The following HSD17B12 variants were observed in gnomAD, a reference collection of about 807,000 sequenced individuals.
HSD17B12 encodes the protein very-long-chain 3-oxoacyl-CoA reductase.
HSD17B12 carries 32 observed loss-of-function variants against 39.3 expected under a neutral mutation model. The ratio of observed to expected loss-of-function variants is 0.81; its 90% CI spans 0.61 to 1.09. HSD17B12 has a LOEUF of 1.09. HSD17B12 is among the 50% of genes least tolerant of loss of function. The pLI, the probability that HSD17B12 is intolerant of heterozygous loss-of-function variation, is 0.00. For synonymous variants in HSD17B12, 150 were observed against 146.7 expected (o/e 1.02, Z -0.16); for missense variants, 342 against 382.9 (o/e 0.89, Z 0.89).
chr11:43,575,647 G>C, the HSD17B12 span, among the ~76,000 whole-genome samples: 6 of 152,214 alleles, frequency 3.9e-5, no homozygotes, highest in Admixed American at 3.9e-4. This position sits in a 1 kb window ranked among gnomAD's most constrained non-coding sequence, Gnocchi z 4.1. Flanking sequence ...CAGTGGCTGC[G>C]TGGAACACAA....
intron 6 of HSD17B12, among the ~76,000 whole-genome samples, chr11:43,826,767 T>C (rs768341101): frequency 1.3e-5 from 2 of 152,192 alleles, no homozygotes; most frequent in Non-Finnish European, 2.9e-5. Context: ...AATTTCTAAT[T>C]AAGTTGTGTT....
chr11:43,719,904 T>C (rs1335006458), intron 1 of HSD17B12, among the ~76,000 whole-genome samples: 1 of 152,222 alleles, frequency 6.6e-6, no homozygotes, highest in South Asian at 2.1e-4. Flanking sequence ...TTTAGTACGA[T>C]AGTTTTCTTT....
At chr11:43,595,934 T>A in the HSD17B12 span, among the ~76,000 whole-genome samples, 6 of 152,260 alleles carry the variant, frequency 3.9e-5, no homozygotes, top group Admixed American at 3.9e-4. Context: ...GCCTGAAGAA[T>A]GAGTTCATTC....
At chr11:43,655,575 G>T in the HSD17B12 span, among the ~76,000 whole-genome samples, 3 of 152,180 alleles carry the variant, frequency 2.0e-5, no homozygotes, top group African/African-American at 7.2e-5. Flanking sequence ...TTTGAGATAC[G>T]TCCCATCAAT....
the HSD17B12 span, among the ~76,000 whole-genome samples, chr11:43,655,257 T>C: frequency 1.9e-4 from 29 of 152,224 alleles, no homozygotes; most frequent in African/African-American, 6.8e-4. Flanking sequence ...ATTGATTTTG[T>C]ATCCTGAGAC....
At chr11:43,634,011 T>C in the HSD17B12 span, among the ~76,000 whole-genome samples, 2 of 120,932 alleles carry the variant, frequency 1.7e-5, no homozygotes, top group Admixed American at 2.1e-4. Context: ...GAGGCGGAGG[T>C]TGCCGTGAGC....
intron 4 of HSD17B12, among the ~76,000 whole-genome samples, chr11:43,812,075 A>G (rs965848309): frequency 2.0e-5 from 3 of 152,106 alleles, no homozygotes; most frequent in Non-Finnish European, 2.9e-5. Flanking sequence ...GCCAAATAGT[A>G]TTTTATTGTG....
At chr11:43,633,340 T>C in the HSD17B12 span, among the ~76,000 whole-genome samples, 1 of 152,104 alleles carries the variant, frequency 6.6e-6, no homozygotes, top group Non-Finnish European at 1.5e-5. Flanking sequence ...GAGACCAGCC[T>C]GGCCAACATG....
chr11:43,728,487 G>A (rs963488086), intron 1 of HSD17B12, among the ~76,000 whole-genome samples: 5 of 151,064 alleles, frequency 3.3e-5, no homozygotes, highest in Admixed American at 3.3e-4. Context: ...AAAAAAAAAA[G>A]AAAAGAAAAA....
chr11:43,706,680 G>A (rs1950017903), intron 1 of HSD17B12, among the ~76,000 whole-genome samples: 1 of 149,110 alleles, frequency 6.7e-6, no homozygotes, highest in Middle Eastern at 3.4e-3. Flanking sequence ...TTTGCTCTGT[G>A]AATGAAGGGG....
intron 6 of HSD17B12, chr11:43,829,929 A>C (rs913343964): frequency 2.6e-5 from 4 of 152,222 alleles, no homozygotes; most frequent in Non-Finnish European, 5.9e-5. Flanking sequence ...TTTACAATAA[A>C]ATACCCACCA....
At chr11:43,807,388 A>T (rs1391648756) in intron 4 of HSD17B12, among the ~76,000 whole-genome samples, 1 of 152,174 alleles carries the variant, frequency 6.6e-6, no homozygotes, top group Non-Finnish European at 1.5e-5. Flanking sequence ...AACGGCATGT[A>T]CAAAAGGCCT....
chr11:43,604,853 T>C, the HSD17B12 span, among the ~76,000 whole-genome samples: 1 of 152,232 alleles, frequency 6.6e-6, no homozygotes, highest in Non-Finnish European at 1.5e-5. Context: ...TCTACAATGA[T>C]ACAATTTTAT....
chr11:43,649,766 G>A, the HSD17B12 span, among the ~76,000 whole-genome samples: 2 of 152,206 alleles, frequency 1.3e-5, no homozygotes, highest in Non-Finnish European at 2.9e-5. Flanking sequence ...TAGAAGCGAA[G>A]TTCCAGTTCC....
At chr11:43,704,317 A>G (rs895682202) in intron 1 of HSD17B12, among the ~76,000 whole-genome samples, 1 of 152,234 alleles carries the variant, frequency 6.6e-6, no homozygotes, top group Non-Finnish European at 1.5e-5. Flanking sequence ...CTCTCAGGGT[A>G]GTTGATGGAT....
At chr11:43,560,624 A>G in the HSD17B12 span, among the ~76,000 whole-genome samples, 1 of 152,192 alleles carries the variant, frequency 6.6e-6, no homozygotes, top group South Asian at 2.1e-4. Context: ...TTCTGTACGC[A>G]TGGGCTACTG....
At chr11:43,654,022 G>A in the HSD17B12 span, among the ~76,000 whole-genome samples, 2 of 151,618 alleles carry the variant, frequency 1.3e-5, no homozygotes, top group African/African-American at 4.8e-5. Flanking sequence ...CAGTGTAAAA[G>A]TGTTCCTATT....
At chr11:43,590,200 A>C in the HSD17B12 span, among the ~76,000 whole-genome samples, 1 of 152,176 alleles carries the variant, frequency 6.6e-6, no homozygotes, top group East Asian at 1.9e-4. Context: ...TCCCAATCTT[A>C]CCAAGATTTT....
chr11:43,607,930 A>T, the HSD17B12 span, among the ~76,000 whole-genome samples: 1 of 152,208 alleles, frequency 6.6e-6, no homozygotes, highest in South Asian at 2.1e-4. Context: ...AGACTGTTCC[A>T]TGTAGTGGAA....
Sources: allele counts gnomAD v4.1 joint callset (sites outside exome capture counted in the v4.1 genomes callset), GRCh38; gene constraint gnomAD v4.1.1; non-coding constraint Gnocchi (gnomAD v3.1); transcripts MANE v1.5; gene names NCBI Gene and HGNC (gene_info 2026-07-23, HGNC 2026-07-21).